NRXN2: variants seen among roughly 807,000 people sequenced by gnomAD.
NRXN2 encodes neurexin 2.
NRXN2 carries 29 observed loss-of-function variants against 128.8 expected under a neutral mutation model. The ratio of observed to expected loss-of-function variants is 0.23; its 90% CI spans 0.17 to 0.31. The LOEUF (loss-of-function observed/expected upper bound fraction) is 0.31. Ranked by LOEUF, NRXN2 falls within the 10% of genes least tolerant of loss-of-function variation. The probability of loss-of-function intolerance (pLI) is 1.00; values close to 1 mark genes in which losing one functional copy is unlikely to be tolerated. For synonymous variants in NRXN2, 1,098 were observed against 1,075.2 expected, an observed-to-expected ratio of 1.02 and a Z score of -0.41; for missense variants, 1,881 against 2,452.6, an observed-to-expected ratio of 0.77 and a Z score of 4.92.
chr11:64,625,967 T>C (rs1346977010), intron 20 of NRXN2, among the ~76,000 whole-genome samples: 1 of 152,144 alleles, frequency 6.6e-6, no homozygotes, highest in Non-Finnish European at 1.5e-5. Flanking sequence ...TCTTCTCTCT[T>C]CTCCTCACAT....
Position 64,702,312 on chromosome 11 carries a change from C to T in NRXN2, c.731-4520G>A, listed in dbSNP as rs866756173. On this transcript the variant is annotated intron_variant, in intron 2 of 22. Transcript: ENST00000265459. The stretch of plus-strand genomic sequence containing the variant: ...CGTCTGGGAGGTGTACCCAACAGCT[C>T]ATTGAGAACGGGCCATGATGACAAT... Among the ~76,000 whole-genome samples the T allele has an allele frequency of 7.2e-5, 11 of 152,218 alleles. No individual in the cohort carries two copies. In the South Asian group the frequency reaches 1.0e-3, roughly 14 times the overall value.
chr11:64,712,157 AG>A (rs1565475899), intron 2 of NRXN2, among the ~76,000 whole-genome samples: 1 of 142,900 alleles, frequency 7.0e-6, no homozygotes, highest in Non-Finnish European at 1.5e-5. Flanking sequence ...CTTTCCACAC[AG>A]GCCCCACTCA....
chr11:64,662,330 G>A (rs1045500106), intron 9 of NRXN2, among the ~76,000 whole-genome samples: 5 of 152,052 alleles, frequency 3.3e-5, no homozygotes, highest in Non-Finnish European at 5.9e-5. Flanking sequence ...GGAAGGAGGA[G>A]GAGGTGATTA....
intron 1 of NRXN2, 35 bp downstream of exon 1, chr11:64,722,936 G>A (rs1451291898): frequency 1.9e-4 from 2 of 10,436 alleles, no homozygotes; most frequent in African/African-American, 9.6e-4. Context: ...CCCCCCGCCC[G>A]TCTCCGCCGC....
At chr11:64,697,544 G>A (rs530696307) in intron 3 of NRXN2, among the ~76,000 whole-genome samples, 8 of 151,926 alleles carry the variant, frequency 5.3e-5, no homozygotes, top group South Asian at 2.1e-4. Flanking sequence ...CCTCTCCAGC[G>A]TGGAGAGGGA....
chr11:64,694,877 C>T (rs993058556), intron 3 of NRXN2, among the ~76,000 whole-genome samples: 4 of 151,974 alleles, frequency 2.6e-5, no homozygotes, highest in Non-Finnish European at 5.9e-5. Flanking sequence ...AGCCAGGTGC[C>T]CTGTGAACCC....
chr11:64,672,233 C>G (rs1419428998), intron 7 of NRXN2, among the ~76,000 whole-genome samples: 3 of 152,220 alleles, frequency 2.0e-5, no homozygotes, highest in Non-Finnish European at 4.4e-5. Flanking sequence ...TCAGCCCTCC[C>G]TGCTGACCCC....
At chr11:64,688,235 G>A in intron 5 of NRXN2, 1 of 946,466 alleles carries the variant, frequency 1.1e-6, no homozygotes, top group Non-Finnish European at 1.3e-6. Context: ...CTCCTGGGGT[G>A]GGTGGCAAAG....
At chr11:64,608,179 A>G in intron 22 of NRXN2, 97 bp from the exon 23 acceptor site, 2 of 925,024 alleles carry the variant, frequency 2.2e-6, no homozygotes, top group Non-Finnish European at 1.7e-6. Flanking sequence ...CACACACCCA[A>G]ATCGGTTCCA....
intron 2 of NRXN2, among the ~76,000 whole-genome samples, chr11:64,710,066 C>T (rs996664827): frequency 2.0e-5 from 3 of 152,032 alleles, no homozygotes; most frequent in African/African-American, 7.2e-5. Flanking sequence ...CGCCACCATG[C>T]CTGGCTGATT....
intron 2 of NRXN2, among the ~76,000 whole-genome samples, chr11:64,705,108 C>A (rs1178999295): frequency 6.6e-6 from 1 of 152,172 alleles, no homozygotes. Flanking sequence ...ACCCTCAGCA[C>A]ACACTAGCTT....
intron 1 of NRXN2, among the ~76,000 whole-genome samples, chr11:64,721,116 CAGG>C (rs909999341): frequency 6.7e-6 from 1 of 150,332 alleles, no homozygotes; most frequent in Non-Finnish European, 1.5e-5. Context: ...TGTATGCTGC[CAGG>C]AGGTGTATTG....
At chr11:64,661,313 A>G in intron 9 of NRXN2, 174 bp from the exon 10 acceptor site, 1 of 1,486,728 alleles carries the variant, frequency 6.7e-7, no homozygotes, top group Middle Eastern at 2.4e-4. Flanking sequence ...TCACTGCAAA[A>G]ACTGCTTGAC....
Position 64,635,192 on chromosome 11 carries a change from G to C in NRXN2, c.3585+79C>G. The C allele has an allele frequency of 6.6e-7, 1 of 1,513,560 alleles. No homozygotes were observed. The highest frequency in any genetic ancestry group is 9.2e-7 in the Non-Finnish European group (1 of 1,091,772). The allele number at this position is 1,513,560 out of a possible 1,614,324, so 93.8% of individuals were successfully genotyped here. Reference sequence around the variant, plus strand: ...CCCATGAGGGAAGACTTGAGGTGCTGATCCCATGGCAATGAGGGGCTGAAC... The same window carrying C: ...CCCATGAGGGAAGACTTGAGGTGCTCATCCCATGGCAATGAGGGGCTGAAC... On this transcript the variant is annotated intron_variant, in intron 18 of 22. Transcript: ENST00000265459. The surrounding 1 kb of genome is among the most constrained non-coding windows in gnomAD (Gnocchi z 4.8).
At chr11:64,661,320 T>C in intron 9 of NRXN2, 181 bp from the exon 10 acceptor site, 1 of 1,478,844 alleles carries the variant, frequency 6.8e-7, no homozygotes. Flanking sequence ...AAAAACTGCT[T>C]GACAAAGGCC....
intron 11 of NRXN2, 139 bp from the exon 12 acceptor site, chr11:64,653,861 G>C (rs959394915): frequency 1.6e-6 from 1 of 639,340 alleles, no homozygotes; most frequent in African/African-American, 1.8e-5. Context: ...GACCACGCGT[G>C]CCCAGGTGCC....
intron 2 of NRXN2, among the ~76,000 whole-genome samples, chr11:64,699,848 T>C (rs898288050): frequency 5.9e-5 from 9 of 152,186 alleles, no homozygotes; most frequent in African/African-American, 2.2e-4. Context: ...GCTAAGACCC[T>C]GGTCAGTCAG....
chr11:64,716,689 C>T (rs1174537292), intron 1 of NRXN2, among the ~76,000 whole-genome samples: 10 of 152,148 alleles, frequency 6.6e-5, no homozygotes, highest in Non-Finnish European at 1.3e-4. Context: ...TCATTCTTCC[C>T]GCAGCCCACA....
chr11:64,719,608 G>C (rs2057381842), intron 1 of NRXN2, among the ~76,000 whole-genome samples: 1 of 152,232 alleles, frequency 6.6e-6, no homozygotes, highest in Admixed American at 6.5e-5. Flanking sequence ...TGGGGAAGCG[G>C]GTGGGCTGGG....
Sources: allele counts gnomAD v4.1 joint callset (sites outside exome capture counted in the v4.1 genomes callset), GRCh38; gene constraint gnomAD v4.1.1; non-coding constraint Gnocchi (gnomAD v3.1); transcripts MANE v1.5; gene names NCBI Gene and HGNC (gene_info 2026-07-23, HGNC 2026-07-21).